The following KANSL3 variants were observed in gnomAD, a reference collection of about 807,000 sequenced individuals.
The protein encoded by KANSL3 is NSL complex protein NSL3.
Under a neutral mutation model 89.2 loss-of-function variants are expected in KANSL3, and 16 were observed. The observed-to-expected ratio is 0.18, with a 90% confidence interval of 0.12 to 0.27. The LOEUF is 0.27. Ranked by LOEUF, KANSL3 falls within the 10% of genes least tolerant of loss-of-function variation. The pLI, the probability that KANSL3 is intolerant of heterozygous loss-of-function variation, is 1.00. For missense variants in KANSL3, 879 were observed against 1,110.6 expected, an observed-to-expected ratio of 0.79 and a Z score of 2.96; for synonymous variants, 385 against 419.7, an observed-to-expected ratio of 0.92 and a Z score of 1.01.
intron 9 of KANSL3, 86 bp from the exon 10 acceptor site, chr2:96,611,224 ACCAGACAGTCTCACCTCTTC>A: frequency 9.4e-7 from 1 of 1,061,874 alleles, no homozygotes; most frequent in Non-Finnish European, 1.5e-6. Context: ...GTCCAGACCC[ACCAGACAGTCTCACCTCTTC>A]CTCTCCTGTC....
downstream of KANSL3, among the ~76,000 whole-genome samples, chr2:96,589,403 T>C (rs1319615022): frequency 6.6e-6 from 1 of 151,972 alleles, no homozygotes; most frequent in East Asian, 1.9e-4. Flanking sequence ...GTAGAATGGG[T>C]ATAGTGTCAA....
At chr2:96,604,688 C>G in intron 16 of KANSL3, 91 bp downstream of exon 16, 1 of 1,187,286 alleles carries the variant, frequency 8.4e-7, no homozygotes, top group Non-Finnish European at 1.2e-6. Flanking sequence ...GACAAGAATC[C>G]AGAATCCATC....
intron 11 of KANSL3, 136 bp downstream of exon 11, chr2:96,610,590 C>T: frequency 2.3e-6 from 2 of 881,400 alleles, no homozygotes; most frequent in Non-Finnish European, 3.4e-6. Flanking sequence ...CCTGGGATTA[C>T]AGGCGTGAGC....
chr2:96,589,138 A>C (rs1025051522), downstream of KANSL3, among the ~76,000 whole-genome samples: 2 of 152,202 alleles, frequency 1.3e-5, no homozygotes, highest in African/African-American at 4.8e-5. Flanking sequence ...TGTTCAAGTA[A>C]CCCACTTACA....
intron 2 of KANSL3, among the ~76,000 whole-genome samples, chr2:96,633,082 A>C (rs1264623550): frequency 6.6e-6 from 1 of 151,970 alleles, no homozygotes; most frequent in Admixed American, 6.6e-5. Flanking sequence ...CAAGTTCAAC[A>C]GTGTGGGCAA....
intron 2 of KANSL3, 52 bp from the exon 3 acceptor site, chr2:96,631,534 T>A: frequency 6.5e-7 from 1 of 1,550,246 alleles, no homozygotes; most frequent in Non-Finnish European, 8.7e-7. Flanking sequence ...CACAGGTATT[T>A]AACAATCATC....
chr2:96,634,144 C>G (rs1255691815), intron 2 of KANSL3: 1 of 152,216 alleles, frequency 6.6e-6, no homozygotes, highest in Non-Finnish European at 1.5e-5. Flanking sequence ...CTGGAATGCA[C>G]ATACCTTAGC....
chr2:96,586,519 G>A, the KANSL3 span, among the ~76,000 whole-genome samples: 1 of 152,152 alleles, frequency 6.6e-6, no homozygotes, highest in African/African-American at 2.4e-5. Flanking sequence ...CTTTCAAACT[G>A]AGGCCTTTCA....
chr2:96,628,282 T>C (rs1041916877), intron 3 of KANSL3: 17 of 984,078 alleles, frequency 1.7e-5, no homozygotes, highest in Non-Finnish European at 2.1e-5. Flanking sequence ...TTCCAGACTT[T>C]CCTGCTGAGA....
downstream of KANSL3, among the ~76,000 whole-genome samples, chr2:96,591,898 A>G (rs2066282255): frequency 9.2e-5 from 14 of 152,188 alleles, no homozygotes; most frequent in Admixed American, 9.2e-4. Flanking sequence ...AAAAATGCCT[A>G]ATGAGAGAAT....
At position 96,612,298 on chromosome 2, in the gene KANSL3, G is replaced by C. The variant is rs752184613; in HGVS notation, c.1070C>G (p.Ala357Gly). 6.2e-7 allele frequency: 1 copy of C among 1,612,762 alleles called. No homozygotes were observed. The highest frequency in any genetic ancestry group is 1.1e-5 in the South Asian group (1 of 91,068). The change falls in exon 9 of 21, where the codon GCT becomes GGT. Residue 357 changes from alanine (A) to glycine (G), a missense_variant. By Grantham distance (60) the Ala-to-Gly change is moderately conservative (BLOSUM62 0). This residue lies in a region of KANSL3 where 198 missense variants were observed against 260.3 expected (regional missense o/e 0.76). Coordinates refer to ENST00000431828, the MANE Select transcript of KANSL3 (RefSeq NM_001115016.3). ...PIILIGWNTG[A>G]LVACHVSVME... ...ATTACTTACATGACAGGCCACCAAA[G>C]CTCCTGTGTTCCAGCCAATCAAGAT...
chr2:96,608,465 C>G, intron 14 of KANSL3, 43 bp downstream of exon 14: 1 of 1,607,922 alleles, frequency 6.2e-7, no homozygotes, highest in Non-Finnish European at 8.5e-7. Context: ...ACATGAACTA[C>G]AGAAGACAGA....
intron 3 of KANSL3, among the ~76,000 whole-genome samples, chr2:96,630,420 GA>G (rs143658223): frequency 0.1 from 15,422 of 152,232 alleles, 1,748 homozygotes; most frequent in African/African-American, 0.28. Flanking sequence ...AAGCCAGTAG[GA>G]AAAGACCACA....
intron 11 of KANSL3, 116 bp downstream of exon 11, chr2:96,610,610 C>G (rs763257030): frequency 8.2e-7 from 1 of 1,224,380 alleles, no homozygotes; most frequent in Non-Finnish European, 1.1e-6. Context: ...CCACCGCGCC[C>G]GGCTAATGCT....
chr2:96,602,052 T>C, intron 19 of KANSL3, 64 bp downstream of exon 19: 2 of 1,447,624 alleles, frequency 1.4e-6, no homozygotes, highest in Non-Finnish European at 1.9e-6. Context: ...CCACATGAGA[T>C]GGGAAGGTCC....
downstream of KANSL3, among the ~76,000 whole-genome samples, chr2:96,591,921 A>C (rs2066282482): frequency 6.6e-6 from 1 of 152,208 alleles, no homozygotes; most frequent in African/African-American, 2.4e-5. Flanking sequence ...TCCCTTTCAG[A>C]GCTATTTTGG....
the KANSL3 span, among the ~76,000 whole-genome samples, chr2:96,587,585 A>G: frequency 2.0e-5 from 3 of 152,258 alleles, no homozygotes; most frequent in Non-Finnish European, 4.4e-5. Flanking sequence ...CGAGTTTCAT[A>G]GATAACACTC....
In KANSL3 at chr2:96,594,164, C is replaced by T. The variant is rs2066383741; in HGVS notation, c.*1447G>A. 6.6e-6 allele frequency: 1 copy of T among 152,212 alleles called. No individual in the cohort carries two copies. The highest frequency in any genetic ancestry group is 2.4e-5 in the African/African-American group (1 of 41,424). 9.4% of individuals were successfully genotyped at this position (152,212 alleles called of 1,614,324 possible). ...GGCTCCCAGATTGAACACAGGTGAC[C>T]TGGTATAGATACACACTGTACTGTG... On this transcript the variant is annotated 3_prime_UTR_variant, in exon 21 of 21. Coordinates refer to ENST00000431828, the MANE Select transcript of KANSL3 (RefSeq NM_001115016.3).
At chr2:96,602,006 G>A in intron 19 of KANSL3, 110 bp downstream of exon 19, 1 of 1,209,014 alleles carries the variant, frequency 8.3e-7, no homozygotes, top group Non-Finnish European at 1.1e-6. Context: ...GTCAATGCCA[G>A]GACCCTGTGG....
Sources: allele counts gnomAD v4.1 joint callset (sites outside exome capture counted in the v4.1 genomes callset), GRCh38; gene constraint gnomAD v4.1.1; regional missense constraint gnomAD v4.1.1; transcripts MANE v1.5; gene names NCBI Gene and HGNC (gene_info 2026-07-23, HGNC 2026-07-21).